The following PPP2R2B variants were observed in gnomAD, a reference collection of about 807,000 sequenced individuals.
The protein encoded by PPP2R2B is protein phosphatase 2 regulatory subunit Bbeta, also known as serine/threonine-protein phosphatase 2A 55 kDa regulatory subunit B beta isoform.
PPP2R2B carries 5 observed loss-of-function variants against 46.0 expected under a neutral mutation model. The ratio of observed to expected loss-of-function variants is 0.11; its 90% CI spans 0.06 to 0.23. The LOEUF is 0.23. PPP2R2B is among the 10% of genes least tolerant of loss of function. PPP2R2B has a pLI of 1.00. For missense variants in PPP2R2B, 367 were observed against 575.0 expected (o/e 0.64, Z 3.70); for synonymous variants, 215 against 206.7 (o/e 1.04, Z -0.34).
chr5:146,962,026 T>A (rs980840487), intron 1 of PPP2R2B, among the ~76,000 whole-genome samples: 1 of 150,260 alleles, frequency 6.7e-6, no homozygotes, highest in Non-Finnish European at 1.5e-5. Flanking sequence ...CTGGGATTAA[T>A]TTTCTTAACC....
chr5:146,707,960 C>G (rs1779970780), intron 2 of PPP2R2B, among the ~76,000 whole-genome samples: 2 of 152,140 alleles, frequency 1.3e-5, no homozygotes, highest in African/African-American at 4.8e-5. Flanking sequence ...ACCATAAATA[C>G]TTGAACAATT....
At chr5:146,712,700 C>A (rs896969508) in intron 2 of PPP2R2B, among the ~76,000 whole-genome samples, 1 of 152,114 alleles carries the variant, frequency 6.6e-6, no homozygotes, top group Non-Finnish European at 1.5e-5. Context: ...GCAGGTGTCT[C>A]CTTCCTCCCT....
intron 2 of PPP2R2B, among the ~76,000 whole-genome samples, chr5:146,847,868 C>T (rs1760100765): frequency 6.6e-6 from 1 of 152,150 alleles, no homozygotes; most frequent in African/African-American, 2.4e-5. Context: ...AATCACCCAG[C>T]CCCATAGCAG....
chr5:146,698,186 T>C (rs752964041), intron 3 of PPP2R2B, 42 bp from the exon 4 acceptor site: 1 of 1,502,282 alleles, frequency 6.7e-7, no homozygotes, highest in Admixed American at 2.3e-5. Context: ...TAAATCACAG[T>C]AGCCAACTGT....
intron 7 of PPP2R2B, among the ~76,000 whole-genome samples, chr5:146,622,891 T>A (rs1170770908): frequency 1.3e-5 from 2 of 152,228 alleles, no homozygotes; most frequent in Admixed American, 1.3e-4. Context: ...ATCATACAAA[T>A]TTCAGGAATA....
chr5:146,677,585 C>T (rs1561824703), intron 5 of PPP2R2B, among the ~76,000 whole-genome samples: 1 of 140,118 alleles, frequency 7.1e-6, no homozygotes, highest in Non-Finnish European at 1.5e-5. Flanking sequence ...GTCACTCAGG[C>T]TGGAGTGCAG....
chr5:146,787,926 A>G (rs989350083), intron 2 of PPP2R2B, among the ~76,000 whole-genome samples: 1 of 152,174 alleles, frequency 6.6e-6, no homozygotes, highest in Non-Finnish European at 1.5e-5. Context: ...TGCTGCTTCA[A>G]TGAAACACTG....
At chr5:146,728,132 CACTT>C (rs1362610377) in intron 2 of PPP2R2B, among the ~76,000 whole-genome samples, 1 of 135,946 alleles carries the variant, frequency 7.4e-6, no homozygotes, top group East Asian at 2.3e-4. Flanking sequence ...GCTAGGGAAA[CACTT>C]ACTTTTTTTT....
chr5:146,710,224 C>T (rs1220439886), intron 2 of PPP2R2B, among the ~76,000 whole-genome samples: 1 of 152,198 alleles, frequency 6.6e-6, no homozygotes, highest in African/African-American at 2.4e-5. Context: ...CCTAGCCACA[C>T]CCTCTTTAGG....
chr5:146,932,389 G>A (rs2151822860), intron 1 of PPP2R2B, among the ~76,000 whole-genome samples: 1 of 152,238 alleles, frequency 6.6e-6, no homozygotes, highest in African/African-American at 2.4e-5. Flanking sequence ...CCCAGTGGGA[G>A]GTAATTAAAT....
intron 2 of PPP2R2B, chr5:146,706,700 C>T (rs1184113258): frequency 2.3e-6 from 2 of 864,566 alleles, no homozygotes; most frequent in East Asian, 5.0e-5. Context: ...TCCGGTTCAT[C>T]TCAGAGATCT....
intron 2 of PPP2R2B, among the ~76,000 whole-genome samples, chr5:146,845,443 C>T (rs1418377377): frequency 1.3e-5 from 2 of 150,312 alleles, no homozygotes; most frequent in Non-Finnish European, 2.9e-5. Flanking sequence ...TTAGTAGAGA[C>T]GGGGTTTCAC....
At chr5:146,919,697 A>G (rs1763525338) in intron 1 of PPP2R2B, 3 of 152,168 alleles carry the variant, frequency 2.0e-5, no homozygotes, top group Admixed American at 6.6e-5. Context: ...CCACAACTGG[A>G]CACAGTTGGC....
At chr5:146,904,566 T>C (rs1389880549) in intron 1 of PPP2R2B, among the ~76,000 whole-genome samples, 1 of 152,206 alleles carries the variant, frequency 6.6e-6, no homozygotes, top group East Asian at 1.9e-4. Flanking sequence ...TGTAAGCTTC[T>C]TGGAGAAACC....
At chr5:146,596,681 G>A (rs941138169) in intron 8 of PPP2R2B, among the ~76,000 whole-genome samples, 1 of 152,164 alleles carries the variant, frequency 6.6e-6, no homozygotes, top group Admixed American at 6.5e-5. Flanking sequence ...GGACACTGAG[G>A]TGACTCTAGT....
intron 2 of PPP2R2B, chr5:146,856,630 G>T: frequency 7.2e-7 from 1 of 1,387,246 alleles, no homozygotes; most frequent in Non-Finnish European, 1.0e-6. Flanking sequence ...AGGTAGTGAT[G>T]CTTCAACTTT....
intron 5 of PPP2R2B, among the ~76,000 whole-genome samples, chr5:146,668,865 A>G (rs79789134): frequency 6.6e-6 from 1 of 152,210 alleles, no homozygotes. Flanking sequence ...GAATGGAAGG[A>G]AGCAGGGCAC....
At chr5:146,755,227 C>T (rs556388643) in intron 2 of PPP2R2B, among the ~76,000 whole-genome samples, 67 of 152,252 alleles carry the variant, frequency 4.4e-4, no homozygotes, top group Non-Finnish European at 8.5e-4. Context: ...TTTTGTTATA[C>T]ATGCATTCAT....
At chr5:146,672,754 T>C (rs1777451284) in intron 5 of PPP2R2B, among the ~76,000 whole-genome samples, 1 of 152,220 alleles carries the variant, frequency 6.6e-6, no homozygotes, top group Non-Finnish European at 1.5e-5. Context: ...CATTTAACAC[T>C]TTCTTGTTAA....
Sources: allele counts gnomAD v4.1 joint callset (sites outside exome capture counted in the v4.1 genomes callset), GRCh38; gene constraint gnomAD v4.1.1; transcripts MANE v1.5; gene names NCBI Gene and HGNC (gene_info 2026-07-23, HGNC 2026-07-21).